RBFOX1: variants seen among roughly 807,000 people sequenced by gnomAD.
RBFOX1 encodes RNA binding fox-1 homolog 1, also known as RNA binding protein fox-1 homolog 1.
In RBFOX1, 8 loss-of-function variants were observed where a neutral mutation model predicts 57.7. That is an observed-to-expected ratio of 0.14 (90% CI 0.08 to 0.25). The LOEUF (loss-of-function observed/expected upper bound fraction) is 0.25. Among genes scored for constraint, RBFOX1 ranks in the 10% least tolerant of loss-of-function variants. The pLI is 1.00. For synonymous variants in RBFOX1, 326 were observed against 222.4 expected, an observed-to-expected ratio of 1.47 and a Z score of -4.15; for missense variants, 611 against 548.5, an observed-to-expected ratio of 1.11 and a Z score of -1.14.
intron 3 of RBFOX1, among the ~76,000 whole-genome samples, chr16:5,617,456 G>T (rs567710924): frequency 6.6e-6 from 1 of 152,324 alleles, no homozygotes; most frequent in South Asian, 2.1e-4. Context: ...GTTTCTGTCT[G>T]CCTGGGACTC....
chr16:6,926,857 T>C (rs1032102622), intron 3 of RBFOX1, among the ~76,000 whole-genome samples: 1 of 152,228 alleles, frequency 6.6e-6, no homozygotes, highest in African/African-American at 2.4e-5. Context: ...TCCACGTGAC[T>C]CTTTTTATTT....
intron 4 of RBFOX1, among the ~76,000 whole-genome samples, chr16:5,931,760 A>G (rs2059063653): frequency 6.6e-6 from 1 of 152,152 alleles, no homozygotes; most frequent in South Asian, 2.1e-4. Context: ...CGTCTCATGC[A>G]TATACCCTGA....
intron 2 of RBFOX1, among the ~76,000 whole-genome samples, chr16:5,483,521 T>C (rs1214184413): frequency 1.3e-5 from 2 of 152,244 alleles, no homozygotes. Context: ...GATTTTACTT[T>C]GTAGACTGAT....
intron 4 of RBFOX1, among the ~76,000 whole-genome samples, chr16:7,395,761 C>T (rs574492953): frequency 6.6e-6 from 1 of 152,276 alleles, no homozygotes; most frequent in South Asian, 2.1e-4. Flanking sequence ...TAGCAATCTG[C>T]AATAAGTTAT....
chr16:6,155,647 G>A (rs536405228), intron 1 of RBFOX1, among the ~76,000 whole-genome samples: 216 of 152,232 alleles, frequency 1.4e-3, no homozygotes, highest in Admixed American at 4.7e-3. Flanking sequence ...ATTATGGGCC[G>A]ACTTTCTATC....
In RBFOX1 at chr16:5,821,424, T is replaced by TC. The variant is rs2055855937; in HGVS notation, c.319-45876dup. On this transcript the variant is annotated intron_variant, in intron 3 of 19. Transcript: ENST00000641259. ...CATGAGCAGTTCTTCTGCCTCAGCC[T>TC]CCCAAGTAGCTGGGACTACAGGCAC... Among the ~76,000 whole-genome samples, 5 of 150,436 alleles carry TC rather than the reference T, an allele frequency of 3.3e-5. No homozygotes were observed. In the South Asian group the frequency reaches 1.1e-3, roughly 32 times the overall value.
chr16:6,515,509 A>T (rs8050684), intron 2 of RBFOX1, among the ~76,000 whole-genome samples: 58,889 of 152,122 alleles, frequency 0.39, 11,731 homozygotes, highest in African/African-American at 0.42. Flanking sequence ...CCAAATGGCC[A>T]GTTACATTGT....
chr16:7,251,822 C>G (rs924735724), intron 4 of RBFOX1, among the ~76,000 whole-genome samples: 2 of 152,310 alleles, frequency 1.3e-5, no homozygotes, highest in East Asian at 1.9e-4. Context: ...CTTCAAAATA[C>G]TGATTTCGTT....
At position 7,654,081 on chromosome 16, in the gene RBFOX1, C is replaced by T. The variant is rs573859087; in HGVS notation, c.890+134C>T. 123 of 896,922 alleles carry T rather than the reference C, an allele frequency of 1.4e-4. 2 individuals carry two copies. In the South Asian group the frequency reaches 1.9e-3, roughly 14 times the overall value. 55.6% of individuals were successfully genotyped at this position (896,922 alleles called of 1,614,324 possible). A position where few individuals can be genotyped will look rare whatever the true frequency, so the allele number is the denominator to read the frequency against. ...CCAGAACCGCCCCCAGCATGCAGCC[C>T]GGCCGCGCACCTGCAGTGGAGCACC... On this transcript the variant is annotated intron_variant, in intron 12 of 15. Coordinates refer to ENST00000550418, the MANE Select transcript of RBFOX1 (RefSeq NM_018723.4).
chr16:6,552,418 A>T (rs931108757), intron 2 of RBFOX1, among the ~76,000 whole-genome samples: 1 of 152,158 alleles, frequency 6.6e-6, no homozygotes, highest in Non-Finnish European at 1.5e-5. Context: ...CAGTAATGTC[A>T]TCTGTAAAAT....
intron 2 of RBFOX1, among the ~76,000 whole-genome samples, chr16:6,653,168 C>G (rs1359732925): frequency 6.6e-6 from 1 of 152,144 alleles, no homozygotes; most frequent in African/African-American, 2.4e-5. Context: ...CAAGCCTTTT[C>G]TCAATTGCCA....
chr16:7,198,234 T>C (rs2087306043), intron 4 of RBFOX1, among the ~76,000 whole-genome samples: 1 of 152,092 alleles, frequency 6.6e-6, no homozygotes, highest in Non-Finnish European at 1.5e-5. Flanking sequence ...TTCAATCTCC[T>C]AACGTCGTGA....
At chr16:6,072,560 C>T (rs2095849858) in intron 1 of RBFOX1, among the ~76,000 whole-genome samples, 1 of 151,742 alleles carries the variant, frequency 6.6e-6, no homozygotes, top group African/African-American at 2.4e-5. Context: ...TACATATCTA[C>T]ATTCTATTCA....
In RBFOX1 at chr16:5,536,099, C is replaced by CTG. The variant is rs113677236; in HGVS notation, c.259-62803_259-62802insTG. On this transcript the variant is annotated intron_variant, in intron 2 of 2. Transcript: ENST00000585867. The stretch of plus-strand genomic sequence containing the variant: ...GAGAAGTCCCCAAGTCATCAAGCCC[C>CTG]CCCCCCCTTTTTTTTCTTTTTTATT... Among the ~76,000 whole-genome samples, 77 of 146,870 alleles carry CTG rather than the reference C, an allele frequency of 5.2e-4. 1 individual carries two copies. Among genetic ancestry groups the CTG allele is most frequent in the African/African-American group, 1.5e-3 (60 of 39,624 alleles).
chr16:7,358,482 G>A (rs370140184), intron 4 of RBFOX1, among the ~76,000 whole-genome samples: 5 of 151,964 alleles, frequency 3.3e-5, no homozygotes, highest in African/African-American at 7.2e-5. Flanking sequence ...GTGCAGCGGC[G>A]CGATCTCAGC....
At chr16:7,507,845 G>C (rs1395293250) in intron 4 of RBFOX1, among the ~76,000 whole-genome samples, 2 of 151,880 alleles carry the variant, frequency 1.3e-5, no homozygotes, top group South Asian at 2.1e-4. Context: ...TTACAGGCAT[G>C]AGCCACGGCG....
At chr16:6,672,978 A>G (rs2098776742) in intron 3 of RBFOX1, among the ~76,000 whole-genome samples, 1 of 152,164 alleles carries the variant, frequency 6.6e-6, no homozygotes, top group African/African-American at 2.4e-5. Flanking sequence ...CAGTCCCTGA[A>G]GTGCTGATAT....
intron 3 of RBFOX1, among the ~76,000 whole-genome samples, chr16:6,730,230 G>T (rs2068192287): frequency 6.6e-6 from 1 of 152,104 alleles, no homozygotes; most frequent in African/African-American, 2.4e-5. Context: ...AAATATATAT[G>T]GTTCATATAG....
intron 1 of RBFOX1, among the ~76,000 whole-genome samples, chr16:6,163,971 A>G (rs2096897828): frequency 6.6e-6 from 1 of 152,222 alleles, no homozygotes; most frequent in Non-Finnish European, 1.5e-5. Context: ...AGGTGGTTAT[A>G]ATAGAGACAC....
Sources: gnomAD v4.1 joint callset for allele counts (sites outside exome capture counted in the v4.1 genomes callset) on GRCh38, gnomAD v4.1.1 for gene constraint, MANE v1.5 for transcripts, NCBI Gene and HGNC (gene_info 2026-07-23, HGNC 2026-07-21) for gene names.